CYP2C19: variants seen among roughly 807,000 people sequenced by gnomAD.
The protein encoded by CYP2C19 is cytochrome P450 family 2 subfamily C member 19, also known as cytochrome P450 2C19.
A neutral mutation model predicts 40.9 loss-of-function variants in CYP2C19; 59 were observed. The ratio of observed to expected loss-of-function variants is 1.44; its 90% CI spans 1.17 to 1.79. The LOEUF is 1.79. CYP2C19 is among the 40% of genes most tolerant of loss of function. CYP2C19 has a pLI of 0.00. For missense variants in CYP2C19, 754 were observed against 596.9 expected, an observed-to-expected ratio of 1.26 and a Z score of -2.74; for synonymous variants, 253 against 208.7, an observed-to-expected ratio of 1.21 and a Z score of -1.83.
intron 5 of CYP2C19, among the ~76,000 whole-genome samples, chr10:94,785,531 T>C (rs1848529853): frequency 6.6e-6 from 1 of 152,162 alleles, no homozygotes; most frequent in Admixed American, 6.6e-5. Context: ...ATGTCTATCT[T>C]TATGCTAGTA....
intron 5 of CYP2C19, among the ~76,000 whole-genome samples, chr10:94,787,408 TCA>T (rs1848557518): frequency 6.6e-6 from 1 of 152,072 alleles, no homozygotes; most frequent in African/African-American, 2.4e-5. Context: ...ATTGTTAGAA[TCA>T]CAGTTTGCAA....
At chr10:94,780,389 A>G (rs779184775) in intron 3 of CYP2C19, 110 bp from the exon 4 acceptor site, 74 of 1,387,984 alleles carry the variant, frequency 5.3e-5, no homozygotes, top group South Asian at 1.0e-4. Flanking sequence ...AAGGGAATTC[A>G]TAGGTAAGAT....
rs926287276 is a variant in CYP2C19 at position 94,854,059 on chromosome 10, C to T, written c.*1145C>T. Among the ~76,000 whole-genome samples, 2 of 151,282 alleles carry T rather than the reference C, an allele frequency of 1.3e-5. No homozygotes were observed. The highest frequency in any genetic ancestry group is 1.9e-4 in the East Asian group (1 of 5,152). ...TTGAAATGGAGTCCCACTTTTGTTCCCCAGGCTGGAGTGCAATGGTGCGAT... is the reference window on the plus strand; with the variant it reads ...TTGAAATGGAGTCCCACTTTTGTTCTCCAGGCTGGAGTGCAATGGTGCGAT... On this transcript the variant is annotated 3_prime_UTR_variant, in exon 9 of 9. Coordinates refer to ENST00000371321, the MANE Select transcript of CYP2C19 (RefSeq NM_000769.4).
intron 8 of CYP2C19, among the ~76,000 whole-genome samples, chr10:94,851,487 T>G (rs1026137846): frequency 4.3e-4 from 43 of 99,406 alleles, no homozygotes; most frequent in Non-Finnish European, 8.4e-4. Context: ...AATAAATAAA[T>G]AAATAAGAAA....
At chr10:94,847,215 T>C (rs1849584689) in intron 7 of CYP2C19, among the ~76,000 whole-genome samples, 1 of 152,188 alleles carries the variant, frequency 6.6e-6, no homozygotes, top group Non-Finnish European at 1.5e-5. Context: ...CTCCTAATGC[T>C]AACCCTCCTC....
intron 5 of CYP2C19, among the ~76,000 whole-genome samples, chr10:94,789,742 T>C (rs924823829): frequency 6.6e-6 from 1 of 152,180 alleles, no homozygotes; most frequent in African/African-American, 2.4e-5. Context: ...TTTTTATTAC[T>C]TCGGCCTTGT....
chr10:94,790,077 T>C (rs1036307810), intron 5 of CYP2C19, among the ~76,000 whole-genome samples: 10 of 152,124 alleles, frequency 6.6e-5, no homozygotes, highest in Admixed American at 3.9e-4. Flanking sequence ...GTAATTTGGA[T>C]TCCTAGGTAT....
intron 6 of CYP2C19, among the ~76,000 whole-genome samples, chr10:94,831,174 C>A (rs553307438): frequency 6.6e-6 from 1 of 152,264 alleles, no homozygotes; most frequent in South Asian, 2.1e-4. Flanking sequence ...TAATGCTCTC[C>A]AATTTCATTC....
At chr10:94,768,511 G>A (rs960698864) in intron 1 of CYP2C19, among the ~76,000 whole-genome samples, 3 of 152,172 alleles carry the variant, frequency 2.0e-5, no homozygotes, top group Admixed American at 2.0e-4. Context: ...TGTATTTGAA[G>A]CACCAGTCCC....
At chr10:94,838,052 C>T (rs756200176) in intron 6 of CYP2C19, among the ~76,000 whole-genome samples, 6 of 152,176 alleles carry the variant, frequency 3.9e-5, no homozygotes, top group Non-Finnish European at 8.8e-5. Flanking sequence ...GGTATGCTTC[C>T]TCAATGCCTC....
intron 3 of CYP2C19, among the ~76,000 whole-genome samples, chr10:94,777,970 CA>C (rs138660413): frequency 0.072 from 10,926 of 151,032 alleles, 457 homozygotes; most frequent in South Asian, 0.12. Context: ...ACAACAACAA[CA>C]AAAAAAAACT....
At chr10:94,777,764 A>G (rs1296080816) in intron 3 of CYP2C19, among the ~76,000 whole-genome samples, 1 of 152,146 alleles carries the variant, frequency 6.6e-6, no homozygotes, top group Admixed American at 6.5e-5. Context: ...TGACTAAAAC[A>G]CCAAAAGCAA....
intron 5 of CYP2C19, among the ~76,000 whole-genome samples, chr10:94,809,909 T>C (rs1302732719): frequency 1.3e-5 from 2 of 152,090 alleles, no homozygotes; most frequent in African/African-American, 4.8e-5. Flanking sequence ...TGAGACAGAG[T>C]CTTGCCCTGT....
rs375781227 is a variant in CYP2C19 at position 94,781,944 on chromosome 10, G to C, written c.766G>C (p.Asp256His). Reference protein sequence around the residue: ...EKVKEHQESMDINNPRDFIDC... With the variant: ...EKVKEHQESMHINNPRDFIDC... ...AGTAAAAGAACACCAAGAATCGATG[G>C]ACATCAACAACCCTCGGGACTTTAT... Residue 256 changes from aspartate to histidine, a missense_variant, in exon 5 of 9, where the codon GAC becomes CAC. Asp to His is a moderately conservative substitution (Grantham distance 81, BLOSUM62 -1). Transcript: ENST00000371321. The C allele has an allele frequency of 6.6e-7, 1 of 1,514,818 alleles. No homozygotes were observed. The allele number at this position is 1,514,818 out of a possible 1,614,324, so 93.8% of individuals were successfully genotyped here.
intron 1 of CYP2C19, among the ~76,000 whole-genome samples, chr10:94,767,297 G>T (rs1285842256): frequency 1.3e-5 from 2 of 152,082 alleles, no homozygotes; most frequent in Non-Finnish European, 2.9e-5. Flanking sequence ...AGGTGATATT[G>T]TATCCCTAGT....
At chr10:94,798,396 G>A (rs1251317313) in intron 5 of CYP2C19, among the ~76,000 whole-genome samples, 1 of 152,116 alleles carries the variant, frequency 6.6e-6, no homozygotes, top group Non-Finnish European at 1.5e-5. Context: ...TTGCTGAGGA[G>A]TGCTTTACTT....
At chr10:94,771,518 C>T (rs561394711) in intron 1 of CYP2C19, among the ~76,000 whole-genome samples, 1 of 152,148 alleles carries the variant, frequency 6.6e-6, no homozygotes, top group Admixed American at 6.5e-5. Flanking sequence ...CATTTTTCCC[C>T]ATCAGAGAGA....
At chr10:94,769,913 C>T (rs1002121837) in intron 1 of CYP2C19, among the ~76,000 whole-genome samples, 11 of 152,068 alleles carry the variant, frequency 7.2e-5, no homozygotes, top group Non-Finnish European at 1.6e-4. Flanking sequence ...CTAATATATC[C>T]CTCCTTAATA....
intron 5 of CYP2C19, among the ~76,000 whole-genome samples, chr10:94,809,783 G>A (rs1379340274): frequency 1.3e-5 from 2 of 152,090 alleles, no homozygotes; most frequent in African/African-American, 2.4e-5. Flanking sequence ...AAGGGGAGTT[G>A]AATTTTGTCA....
Sources: gnomAD v4.1 joint callset for allele counts (sites outside exome capture counted in the v4.1 genomes callset) on GRCh38, gnomAD v4.1.1 for gene constraint, MANE v1.5 for transcripts, NCBI Gene and HGNC (gene_info 2026-07-23, HGNC 2026-07-21) for gene names.